ERC1: variants seen among roughly 807,000 people sequenced by gnomAD.
ERC1 encodes the protein RAB6 interacting protein 2.
Under a neutral mutation model 132.0 loss-of-function variants are expected in ERC1, and 56 were observed. That is an observed-to-expected ratio of 0.42 (90% CI 0.34 to 0.53). The LOEUF (loss-of-function observed/expected upper bound fraction) is 0.53, where lower values mean the gene tolerates loss of function less well. ERC1 is among the 20% of genes least tolerant of loss of function. The pLI is 0.03. For missense variants in ERC1, 1,202 were observed against 1,349.9 expected, an observed-to-expected ratio of 0.89 and a Z score of 1.72; for synonymous variants, 478 against 476.1, an observed-to-expected ratio of 1.00 and a Z score of -0.05.
At chr12:1,265,279 A>G (rs2077404978) in intron 14 of ERC1, among the ~76,000 whole-genome samples, 1 of 152,110 alleles carries the variant, frequency 6.6e-6, no homozygotes, top group Admixed American at 6.5e-5. Flanking sequence ...CAAGTATTAA[A>G]CATCAGAGAT....
Position 1,471,458 on chromosome 12 carries a change from G to A in ERC1, c.3214-18635G>A, listed in dbSNP as rs12318361. Among the ~76,000 whole-genome samples, 934 of 152,308 alleles carry A rather than the reference G, an allele frequency of 6.1e-3. 10 individuals are homozygous for A. Among genetic ancestry groups the A allele is most frequent in the African/African-American group, 0.021 (852 of 41,560 alleles). On this transcript the variant is annotated intron_variant, in intron 18 of 18. Coordinates refer to ENST00000360905, the MANE Select transcript of ERC1 (RefSeq NM_178040.4). ...ATATGAGTATGTTGGTGACATCTGC[G>A]AATACAAAATATAATCATCAGAAAG...
intron 8 of ERC1, among the ~76,000 whole-genome samples, chr12:1,170,114 C>T (rs1952889460): frequency 2.6e-5 from 4 of 152,162 alleles, no homozygotes; most frequent in Admixed American, 2.6e-4. Context: ...AACTTCTCCT[C>T]ACTTGAAATT....
intron 7 of ERC1, among the ~76,000 whole-genome samples, chr12:1,129,165 A>G (rs1948498865): frequency 6.6e-6 from 1 of 152,230 alleles, no homozygotes; most frequent in South Asian, 2.1e-4. Context: ...TAGTGGAACC[A>G]TAGATAAACT....
chr12:1,452,805 T>C (rs748336742), intron 18 of ERC1, among the ~76,000 whole-genome samples: 1 of 152,240 alleles, frequency 6.6e-6, no homozygotes. Context: ...TCTGGAAATA[T>C]ACTTTCCTCT....
intron 12 of ERC1, among the ~76,000 whole-genome samples, chr12:1,190,491 TTTA>T (rs1218327784): frequency 6.6e-6 from 1 of 152,202 alleles, no homozygotes; most frequent in African/African-American, 2.4e-5. Flanking sequence ...TTTCACAGTT[TTTA>T]TTGTTGAAAA....
rs769091389 is a variant in ERC1 at position 1,487,825 on chromosome 12, A to AAAGG, written c.3214-2265_3214-2264insGAAG. On this transcript the variant is annotated intron_variant, in intron 18 of 18. Transcript: ENST00000360905. ...GAAAAGAAACGAGAGAGAGAGAGAG[A>AAAGG]AAGAAAAGAAAAGAAAGGAAAGAGA... Among the ~76,000 whole-genome samples, 729 of 150,786 alleles carry AAAGG rather than the reference A, an allele frequency of 4.8e-3. 4 individuals are homozygous for AAAGG. The highest frequency in any genetic ancestry group is 7.8e-3 in the Non-Finnish European group (524 of 67,534).
chr12:1,068,835 GTC>G (rs1939791026), intron 2 of ERC1, among the ~76,000 whole-genome samples: 1 of 152,062 alleles, frequency 6.6e-6, no homozygotes, highest in South Asian at 2.1e-4. Flanking sequence ...GCATTGCATA[GTC>G]TCTGCATACG....
At chr12:996,254 T>TTA (rs1485438648) in intron 1 of ERC1, among the ~76,000 whole-genome samples, 1 of 136,592 alleles carries the variant, frequency 7.3e-6, no homozygotes, top group Non-Finnish European at 1.6e-5. Flanking sequence ...CCTGGCTTTT[T>TTA]TTTTTTTTTT....
At position 1,186,981 on chromosome 12, in the gene ERC1, C is replaced by T. The variant is rs536348351; in HGVS notation, c.2158-2878C>T. ...AAGTAGCTGGGATTACAGGTGTGCA[C>T]CACCACCCCTGGCTAATTTTTGTAC... On this transcript the variant is annotated intron_variant, in intron 11 of 18. Coordinates refer to ENST00000360905, the MANE Select transcript of ERC1 (RefSeq NM_178040.4). Among the ~76,000 whole-genome samples, 379 of 152,252 alleles carry T rather than the reference C, an allele frequency of 2.5e-3. 2 individuals carry two copies. Among genetic ancestry groups the T allele is most frequent in the African/African-American group, 9.0e-3 (372 of 41,550 alleles).
intron 3 of ERC1, among the ~76,000 whole-genome samples, chr12:1,102,813 A>G (rs1183683662): frequency 6.6e-6 from 1 of 152,212 alleles, no homozygotes; most frequent in Non-Finnish European, 1.5e-5. Context: ...GGAAGGACAC[A>G]TGCGTTCTTT....
At chr12:990,952 A>AGTGTGTGTGTGTGTGTGTGAGTGT (rs138094397), upstream of ERC1, 1 of 150,032 alleles carries the variant, frequency 6.7e-6, no homozygotes, top group African/African-American at 2.5e-5. Context: ...TGTGTGTGTG[A>AGTGTGTGTGTGTGTGTGTGAGTGT]GTGTGTGTGT....
rs1451079644 is a variant in ERC1 at position 1,238,442 on chromosome 12, T to C, written c.2487+1538T>C. On this transcript the variant is annotated intron_variant, in intron 13 of 18. Coordinates refer to ENST00000360905, the MANE Select transcript of ERC1 (RefSeq NM_178040.4). ...CTTTACTTTTTAATTCATTTTGTGG[T>C]ATTTGTGTGGTGAGGATATTTTTTC... is the stretch of plus-strand genomic sequence containing the variant. 2.6e-5 allele frequency among the ~76,000 whole-genome samples: 4 copies of C among 152,262 alleles called. No homozygotes were observed. The East Asian group carries it at 7.7e-4, about 29-fold the overall frequency.
intron 3 of ERC1, among the ~76,000 whole-genome samples, chr12:1,100,099 C>T (rs1216159296): frequency 3.3e-5 from 5 of 151,994 alleles, no homozygotes; most frequent in African/African-American, 1.2e-4. Flanking sequence ...CCACCCGCCT[C>T]GGCCTCCCAA....
At chr12:1,025,766 C>T (rs972698435) in intron 1 of ERC1, among the ~76,000 whole-genome samples, 27 of 151,752 alleles carry the variant, frequency 1.8e-4, no homozygotes, top group Non-Finnish European at 3.5e-4. Context: ...TACAGACATA[C>T]CCGAGACTAG....
chr12:1,169,318 C>T (rs1363786753), intron 8 of ERC1, among the ~76,000 whole-genome samples: 1 of 152,146 alleles, frequency 6.6e-6, no homozygotes, highest in Admixed American at 6.5e-5. Flanking sequence ...TAGCTAAAGA[C>T]ACCACCTTGC....
At chr12:1,489,203 C>G (rs1243097556) in intron 18 of ERC1, among the ~76,000 whole-genome samples, 1 of 152,176 alleles carries the variant, frequency 6.6e-6, no homozygotes, top group Non-Finnish European at 1.5e-5. Flanking sequence ...CAGGCCTGTC[C>G]CAGCCCCACG....
intron 13 of ERC1, among the ~76,000 whole-genome samples, chr12:1,261,878 A>T (rs745991711): frequency 6.6e-6 from 1 of 152,198 alleles, no homozygotes; most frequent in Non-Finnish European, 1.5e-5. Flanking sequence ...GAAAAACGAG[A>T]GAGGAAAAGA....
intron 2 of ERC1, among the ~76,000 whole-genome samples, chr12:1,053,109 T>G (rs1320360275): frequency 6.6e-6 from 1 of 152,214 alleles, no homozygotes; most frequent in Non-Finnish European, 1.5e-5. Flanking sequence ...TAAACTGTTA[T>G]GTATGGTATA....
chr12:1,067,975 A>G lies in ERC1; in HGVS notation c.670-15189A>G, dbSNP rs1010616474. Among the ~76,000 whole-genome samples, 22 of 133,314 alleles carry G rather than the reference A, an allele frequency of 1.7e-4. 1 individual carries two copies. Among genetic ancestry groups the G allele is most frequent in the African/African-American group, 6.4e-4 (22 of 34,620 alleles). The allele number at this position is 133,314 out of a possible 152,430, so 87.5% of individuals were successfully genotyped here. On this transcript the variant is annotated intron_variant, in intron 2 of 18. Coordinates refer to ENST00000360905, the MANE Select transcript of ERC1 (RefSeq NM_178040.4). Reference sequence around the variant, plus strand: ...CTGAGACAGAGTCGCTCTGTCGCCCAGGCTGGAGTGCAGTGGCGCGATCTC... The same window carrying G: ...CTGAGACAGAGTCGCTCTGTCGCCCGGGCTGGAGTGCAGTGGCGCGATCTC...
Sources: allele counts gnomAD v4.1 joint callset (sites outside exome capture counted in the v4.1 genomes callset), GRCh38; gene constraint gnomAD v4.1.1; transcripts MANE v1.5; gene names NCBI Gene and HGNC (gene_info 2026-07-23, HGNC 2026-07-21).